The following PLEKHA2 variants were observed in gnomAD, a reference collection of about 807,000 sequenced individuals.
The protein encoded by PLEKHA2 is pleckstrin homology domain-containing family A member 2.
In PLEKHA2, 28 loss-of-function variants were observed where a neutral mutation model predicts 53.2. The ratio of observed to expected loss-of-function variants is 0.53; its 90% CI spans 0.39 to 0.72. PLEKHA2 has a LOEUF of 0.72. Among genes scored for constraint, PLEKHA2 ranks in the 30% least tolerant of loss-of-function variants. The pLI is 0.00. For synonymous variants in PLEKHA2, 193 were observed against 196.4 expected, an observed-to-expected ratio of 0.98 and a Z score of 0.14; for missense variants, 426 against 537.9, an observed-to-expected ratio of 0.79 and a Z score of 2.06.
chr8:38,952,551 G>A (rs1834865453), intron 7 of PLEKHA2, 85 bp from the exon 8 acceptor site: 1 of 1,457,996 alleles, frequency 6.9e-7, no homozygotes, highest in Non-Finnish European at 9.4e-7. Context: ...CATGGGGCTG[G>A]GTCCTTGGGA....
chr8:38,931,997 T>G (rs894426554), intron 2 of PLEKHA2, among the ~76,000 whole-genome samples: 89 of 152,274 alleles, frequency 5.8e-4, no homozygotes, highest in African/African-American at 2.0e-3. Context: ...CTTTTTTTCT[T>G]TTTAATAAAT....
At chr8:38,929,367 TG>T (rs1332427220) in intron 2 of PLEKHA2, among the ~76,000 whole-genome samples, 1 of 152,248 alleles carries the variant, frequency 6.6e-6, no homozygotes, top group Non-Finnish European at 1.5e-5. Flanking sequence ...CTGCCCAGCT[TG>T]GGCAATGACA....
chr8:38,919,021 C>G lies in PLEKHA2; in HGVS notation c.141+951C>G, dbSNP rs563698133. 5.3e-5 allele frequency among the ~76,000 whole-genome samples: 8 copies of G among 152,326 alleles called. No individual in the cohort carries two copies. In the South Asian group the frequency reaches 6.2e-4, roughly 12 times the overall value. On this transcript the variant is annotated intron_variant, in intron 2 of 11. Coordinates refer to ENST00000617275, the MANE Select transcript of PLEKHA2 (RefSeq NM_021623.2). ...CTGTGGCTGCTCCTGCTCTTCCAGT[C>G]TGGGGGCCCCTCCCCAGCAGAGAAT...
intron 2 of PLEKHA2, among the ~76,000 whole-genome samples, chr8:38,925,949 T>C (rs1446524048): frequency 6.6e-6 from 1 of 152,226 alleles, no homozygotes; most frequent in African/African-American, 2.4e-5. Context: ...TCTTTAAAAA[T>C]TGGGCAATAG....
chr8:38,949,705 C>T (rs1331994421), intron 5 of PLEKHA2, among the ~76,000 whole-genome samples: 1 of 152,128 alleles, frequency 6.6e-6, no homozygotes, highest in Non-Finnish European at 1.5e-5. Context: ...ACGTGGGAAG[C>T]CTTAATTATA....
chr8:38,913,323 T>A (rs986214734), intron 1 of PLEKHA2, among the ~76,000 whole-genome samples: 4 of 146,716 alleles, frequency 2.7e-5, no homozygotes, highest in African/African-American at 7.6e-5. Flanking sequence ...AAGATTGCCC[T>A]GCTGCACTCC....
chr8:38,941,014 C>T lies in PLEKHA2; in HGVS notation c.199-2775C>T, dbSNP rs536691153. ...AATTTCTGGGCAATCATCTTGCACA[C>T]GCACAAAAGGATTCTTGTGAGCTAA... On this transcript the variant is annotated intron_variant, in intron 3 of 11. Transcript: ENST00000617275. Among the ~76,000 whole-genome samples the T allele has an allele frequency of 7.1e-4, 107 of 151,504 alleles. No homozygotes were observed. The Middle Eastern group carries it at 0.014, about 19-fold the overall frequency.
chr8:38,916,479 T>C (rs1467834707), intron 1 of PLEKHA2, among the ~76,000 whole-genome samples: 3 of 152,196 alleles, frequency 2.0e-5, no homozygotes, highest in African/African-American at 7.2e-5. Context: ...TTCAATTGAT[T>C]TGATTTTTAG....
Position 38,952,712 on chromosome 8 carries a change from G to A in PLEKHA2, c.702+8G>A. ...TACTTCAAGTGTGAGCAGGTTTGTA[G>A]TAGCTTTGCTGCCCTTCTGAGAGGT... On this transcript the variant is annotated splice_region_variant and intron_variant, in intron 8 of 11. Transcript: ENST00000617275. 3 of 1,611,282 alleles carry A rather than the reference G, an allele frequency of 1.9e-6. No homozygotes were observed. Among genetic ancestry groups the A allele is most frequent in the Non-Finnish European group, 2.5e-6 (3 of 1,178,884 alleles).
chr8:38,933,922 C>T lies in PLEKHA2; in HGVS notation c.142-2072C>T, dbSNP rs1450292122. On this transcript the variant is annotated intron_variant, in intron 2 of 11. Transcript: ENST00000617275. ...CAGCTCCTTAGCTTACTGCCTCATT[C>T]GCAAAGGGAAGAACGTGAGTGCAGA... Among the ~76,000 whole-genome samples the T allele has an allele frequency of 3.3e-5, 5 of 151,992 alleles. No homozygotes were observed. The East Asian group carries it at 7.7e-4, about 23-fold the overall frequency.
chr8:38,945,270 T>G (rs1834690763), intron 4 of PLEKHA2, among the ~76,000 whole-genome samples: 1 of 152,226 alleles, frequency 6.6e-6, no homozygotes. Context: ...TCCTCTGCCT[T>G]GTCACTGTGG....
At chr8:38,908,525 A>T (rs1008164708) in intron 1 of PLEKHA2, among the ~76,000 whole-genome samples, 12 of 152,232 alleles carry the variant, frequency 7.9e-5, no homozygotes, top group African/African-American at 2.2e-4. Flanking sequence ...TGTGGAATTA[A>T]ATAGCTTTCT....
At position 38,955,922 on chromosome 8, in the gene PLEKHA2, C is replaced by T. The variant is rs143061169; in HGVS notation, c.774-1401C>T. 7.9e-5 allele frequency among the ~76,000 whole-genome samples: 12 copies of T among 152,248 alleles called. No homozygotes were observed. In the East Asian group the frequency reaches 2.3e-3, roughly 29 times the overall value. ...GCCTCCCAGGCTCAGGTGATCCTCC[C>T]GCCTCAGCCTCCCGAGTAGCTGGGA... On this transcript the variant is annotated intron_variant, in intron 9 of 11. Transcript: ENST00000617275.
intron 4 of PLEKHA2, among the ~76,000 whole-genome samples, chr8:38,944,068 C>CT (rs913800553): frequency 3.7e-4 from 54 of 146,688 alleles, no homozygotes; most frequent in South Asian, 1.7e-3. Flanking sequence ...TGTTTTCTTT[C>CT]TTTTTTTTTT....
intron 10 of PLEKHA2, among the ~76,000 whole-genome samples, chr8:38,966,441 G>A (rs908810484): frequency 2.5e-4 from 38 of 152,222 alleles, no homozygotes; most frequent in Non-Finnish European, 2.8e-4. Flanking sequence ...GACAGAGGAA[G>A]GCTAACATGC....
chr8:38,923,134 C>T lies in PLEKHA2; in HGVS notation c.141+5064C>T, dbSNP rs144645570. On this transcript the variant is annotated intron_variant, in intron 2 of 11. Coordinates refer to ENST00000617275, the MANE Select transcript of PLEKHA2 (RefSeq NM_021623.2). ...ATCATTAGGTGCCAGTGCCAATGCCCGGATGCCAATATTTGGGTTGAAGGA... is the reference window on the plus strand; with the variant it reads ...ATCATTAGGTGCCAGTGCCAATGCCTGGATGCCAATATTTGGGTTGAAGGA... Among the ~76,000 whole-genome samples, 956 of 152,224 alleles carry T rather than the reference C, an allele frequency of 6.3e-3. 17 individuals are homozygous for T. The highest frequency in any genetic ancestry group is 0.021 in the African/African-American group (890 of 41,532).
At chr8:38,906,519 G>A (rs1833877131) in intron 1 of PLEKHA2, among the ~76,000 whole-genome samples, 1 of 152,112 alleles carries the variant, frequency 6.6e-6, no homozygotes, top group Admixed American at 6.6e-5. Context: ...CCAGCACCCT[G>A]TCTGATCCGC....
intron 1 of PLEKHA2, among the ~76,000 whole-genome samples, chr8:38,903,974 A>C (rs977389039): frequency 2.0e-5 from 3 of 152,112 alleles, no homozygotes; most frequent in Admixed American, 1.3e-4. Flanking sequence ...CCAGCAATCT[A>C]ATCTGGTAGG....
rs561543238 is a variant in PLEKHA2, at chr8:38,904,966, T to C, written c.-24+3521T>C. Among the ~76,000 whole-genome samples, 16 of 152,314 alleles carry C rather than the reference T, an allele frequency of 1.1e-4. No individual in the cohort carries two copies. In the East Asian group the frequency reaches 2.7e-3, roughly 26 times the overall value. On this transcript the variant is annotated intron_variant, in intron 1 of 11. Transcript: ENST00000617275. ...TTAATCCTCACAGCAGCCTTTGAAG[T>C]AGGTAAAGCAATTATCTCCATTTTG... is the stretch of plus-strand genomic sequence containing the variant.
Sources: gnomAD v4.1 joint callset for allele counts (sites outside exome capture counted in the v4.1 genomes callset) on GRCh38, gnomAD v4.1.1 for gene constraint, MANE v1.5 for transcripts, NCBI Gene and HGNC (gene_info 2026-07-23, HGNC 2026-07-21) for gene names.